The following SUN3 variants were observed in gnomAD, a reference collection of about 807,000 sequenced individuals.
SUN3 encodes the protein SUN domain-containing protein 3.
Under a neutral mutation model 48.2 loss-of-function variants are expected in SUN3, and 36 were observed. The ratio of observed to expected loss-of-function variants is 0.75; its 90% CI spans 0.57 to 0.99. The LOEUF is 0.99. SUN3 is among the 50% of genes least tolerant of loss of function. The pLI, the probability that SUN3 is intolerant of heterozygous loss-of-function variation, is 0.00. For missense variants in SUN3, 419 were observed against 433.1 expected, an observed-to-expected ratio of 0.97 and a Z score of 0.29; for synonymous variants, 148 against 147.9, an observed-to-expected ratio of 1.00 and a Z score of 0.00.
chr7:47,995,689 AAT>A (rs1789191014), intron 7 of SUN3, among the ~76,000 whole-genome samples: 1 of 152,216 alleles, frequency 6.6e-6, no homozygotes, highest in Non-Finnish European at 1.5e-5. Flanking sequence ...ACTTTCAACA[AAT>A]GTTTGTTGAA....
chr7:48,008,495 G>C (rs1475303620), intron 4 of SUN3, among the ~76,000 whole-genome samples: 1 of 151,898 alleles, frequency 6.6e-6, no homozygotes, highest in Non-Finnish European at 1.5e-5. Flanking sequence ...TTAACCATTG[G>C]CCTAATTTTC....
chr7:48,034,911 CATG>C, the SUN3 span, among the ~76,000 whole-genome samples: 1 of 152,036 alleles, frequency 6.6e-6, no homozygotes, highest in Admixed American at 6.5e-5. Context: ...AGAATGTTCA[CATG>C]ATAATTTTAT....
At chr7:48,016,320 G>A (rs1216326291) in intron 3 of SUN3, among the ~76,000 whole-genome samples, 1 of 152,162 alleles carries the variant, frequency 6.6e-6, no homozygotes, top group African/African-American at 2.4e-5. Context: ...ACTAATTTGA[G>A]TAATAATAAA....
At chr7:48,011,351 C>A (rs1055045074) in intron 3 of SUN3, among the ~76,000 whole-genome samples, 7 of 152,044 alleles carry the variant, frequency 4.6e-5, no homozygotes, top group African/African-American at 1.7e-4. Context: ...GTGTCTTGTG[C>A]GATGTTATTC....
intron 6 of SUN3, among the ~76,000 whole-genome samples, chr7:47,999,483 C>T (rs1038702025): frequency 1.3e-5 from 2 of 151,884 alleles, no homozygotes; most frequent in African/African-American, 4.8e-5. Flanking sequence ...CCCAGTTTTT[C>T]TTCATTTCCC....
intron 2 of SUN3, among the ~76,000 whole-genome samples, chr7:48,019,505 A>G (rs892128867): frequency 2.0e-5 from 3 of 152,140 alleles, no homozygotes; most frequent in Non-Finnish European, 2.9e-5. Context: ...TCAATGGAAC[A>G]AAGGTTTTTA....
At chr7:48,013,568 T>C (rs548009696) in intron 3 of SUN3, among the ~76,000 whole-genome samples, 3 of 152,336 alleles carry the variant, frequency 2.0e-5, no homozygotes, top group Admixed American at 2.0e-4. Flanking sequence ...CCATAGGATG[T>C]TTGTGTTTAT....
At chr7:48,011,910 G>A (rs901433989) in intron 3 of SUN3, among the ~76,000 whole-genome samples, 8 of 152,214 alleles carry the variant, frequency 5.3e-5, no homozygotes, top group Admixed American at 4.6e-4. Flanking sequence ...TTAGCTGTGG[G>A]CTATAAATTT....
At chr7:48,011,625 A>G (rs1002503738) in intron 3 of SUN3, among the ~76,000 whole-genome samples, 3 of 152,230 alleles carry the variant, frequency 2.0e-5, no homozygotes, top group African/African-American at 7.2e-5. Context: ...AAAATAACAT[A>G]CAGAAAATAC....
In SUN3 at chr7:48,007,170, T is replaced by C. The variant is rs1394189627; in HGVS notation, c.487A>G (p.Thr163Ala). 6.2e-7 allele frequency: 1 copy of C among 1,612,634 alleles called. No homozygotes were observed. Among genetic ancestry groups the C allele is most frequent in the South Asian group, 1.1e-5 (1 of 90,948 alleles). ...CGCCTAGCCTCATCCAGGACCTCTG[T>C]GTGGTCCGGGTCCTCCACAGGGTCT... is the stretch of plus-strand genomic sequence containing the variant. ...HGDPVEDPDHTEEVSNLVNYV... is the reference protein window; with the variant it reads ...HGDPVEDPDHAEEVSNLVNYV... Residue 163 changes from threonine to alanine, a missense_variant, in exon 5 of 10, where the codon ACA becomes GCA. Physicochemically the swap from Thr to Ala is moderately conservative, Grantham distance 58. Transcript: ENST00000297325.
At chr7:48,024,535 G>A (rs1790082699) in intron 2 of SUN3, among the ~76,000 whole-genome samples, 3 of 152,038 alleles carry the variant, frequency 2.0e-5, no homozygotes, top group Admixed American at 2.0e-4. Context: ...TAGAGAAATT[G>A]GACTTCTTGT....
In SUN3 at chr7:48,006,192, G is replaced by A. The variant is rs1156978032; in HGVS notation, c.493-139C>T. 8.0e-6 allele frequency: 5 copies of A among 624,560 alleles called. No homozygotes were observed. The East Asian group carries it at 1.1e-4, about 14-fold the overall frequency. 38.7% of individuals were successfully genotyped at this position (624,560 alleles called of 1,614,324 possible). On this transcript the variant is annotated intron_variant, in intron 5 of 9. Transcript: ENST00000297325. ...CCCTATCAGCTGCACTCTGAGCCAG[G>A]CCCTGTTCATGGATCTGGACTGACA...
At chr7:48,025,019 G>C (rs900460053) in intron 2 of SUN3, among the ~76,000 whole-genome samples, 3 of 152,158 alleles carry the variant, frequency 2.0e-5, no homozygotes, top group Non-Finnish European at 4.4e-5. Context: ...GAGGAAAACA[G>C]TCTGGTGGTT....
intron 6 of SUN3, among the ~76,000 whole-genome samples, chr7:47,997,556 G>A (rs889116625): frequency 6.6e-6 from 1 of 152,118 alleles, no homozygotes; most frequent in Non-Finnish European, 1.5e-5. Context: ...TTCATTAAAA[G>A]ATTTAAATCA....
At chr7:48,007,135 C>A in intron 5 of SUN3, 30 bp downstream of exon 5, 1 of 1,594,672 alleles carries the variant, frequency 6.3e-7, no homozygotes, top group South Asian at 1.1e-5. Flanking sequence ...CCACCCCACC[C>A]TGCCCAACCC....
intron 7 of SUN3, among the ~76,000 whole-genome samples, chr7:47,995,137 G>A (rs1789171592): frequency 6.6e-6 from 1 of 151,816 alleles, no homozygotes; most frequent in Non-Finnish European, 1.5e-5. Context: ...TGAAGGTAGT[G>A]GTGGTGGTGG....
rs772557329 is a variant in SUN3 at position 48,006,070 on chromosome 7, AAC to A, written c.493-19_493-18del. 2.6e-6 allele frequency: 4 copies of A among 1,528,260 alleles called. No homozygotes were observed. Among genetic ancestry groups the A allele is most frequent in the Non-Finnish European group, 3.6e-6 (4 of 1,113,132 alleles). The allele number at this position is 1,528,260 out of a possible 1,614,324, so 94.7% of individuals were successfully genotyped here. A position where few individuals can be genotyped will look rare whatever the true frequency, so the allele number is the denominator to read the frequency against. On this transcript the variant is annotated intron_variant, in intron 5 of 9. Transcript: ENST00000297325. Reference sequence around the variant, plus strand: ...TGACACTTCCTGTAGAAATTTTATAAACAGTTTTCTGTTAACAATCTTTGCCA... The same window carrying A: ...TGACACTTCCTGTAGAAATTTTATAAAGTTTTCTGTTAACAATCTTTGCCA...
chr7:48,032,446 T>C (rs1449555769), upstream of SUN3, among the ~76,000 whole-genome samples: 1 of 152,224 alleles, frequency 6.6e-6, no homozygotes, highest in Admixed American at 6.5e-5. Flanking sequence ...AAAATGTGTC[T>C]TTAAAAATTT....
intron 3 of SUN3, 59 bp downstream of exon 3, chr7:48,017,203 C>T: frequency 1.2e-6 from 1 of 835,416 alleles, no homozygotes; most frequent in Non-Finnish European, 1.9e-6. Flanking sequence ...GTTGAACTAG[C>T]CTTGTAGCAT....
Sources: gnomAD v4.1 joint callset for allele counts (sites outside exome capture counted in the v4.1 genomes callset) on GRCh38, gnomAD v4.1.1 for gene constraint, MANE v1.5 for transcripts, NCBI Gene and HGNC (gene_info 2026-07-23, HGNC 2026-07-21) for gene names.